SCGB2B2: variants seen among roughly 807,000 people sequenced by gnomAD.
SCGB2B2 encodes the protein secretoglobin family 2B member 2.
In SCGB2B2, 11 loss-of-function variants were observed where a neutral mutation model predicts 7.6. That is an observed-to-expected ratio of 1.45 (90% CI 0.91 to 2.40). The LOEUF is 2.40. Ranked by LOEUF, SCGB2B2 falls within the 30% of genes most tolerant of loss-of-function variation. The pLI is 0.00. For synonymous variants in SCGB2B2, 50 were observed against 48.6 expected (o/e 1.03, Z -0.12); for missense variants, 104 against 115.4 (o/e 0.90, Z 0.45).
At chr19:34,587,010 C>A (rs758460065), downstream of SCGB2B2, among the ~76,000 whole-genome samples, 10 of 152,084 alleles carry the variant, frequency 6.6e-5, no homozygotes, top group Admixed American at 6.5e-4. Flanking sequence ...CAGGTTCAAG[C>A]GATTCTCCTG....
At chr19:34,641,438 G>A (rs2066837714) in intron 1 of SCGB2B2, among the ~76,000 whole-genome samples, 1 of 152,170 alleles carries the variant, frequency 6.6e-6, no homozygotes, top group African/African-American at 2.4e-5. Flanking sequence ...CAGGGTTTTG[G>A]TCACTATGTC....
chr19:34,656,536 G>A (rs1300990390), intron 1 of SCGB2B2, among the ~76,000 whole-genome samples: 2 of 151,274 alleles, frequency 1.3e-5, no homozygotes, highest in African/African-American at 4.9e-5. Context: ...CCAGGAGGAT[G>A]AGGCTGCAGT....
intron 1 of SCGB2B2, among the ~76,000 whole-genome samples, chr19:34,599,749 C>T (rs963196333): frequency 2.6e-5 from 4 of 152,078 alleles, no homozygotes; most frequent in African/African-American, 9.7e-5. Context: ...CCGCCCTGTT[C>T]TCTCCCTCTT....
At chr19:34,667,223 C>T (rs967686949) in intron 1 of SCGB2B2, among the ~76,000 whole-genome samples, 7 of 152,122 alleles carry the variant, frequency 4.6e-5, no homozygotes, top group African/African-American at 1.7e-4. Flanking sequence ...GACCTCAGGG[C>T]GCTGGGTCTC....
At chr19:34,673,537 A>C (rs1402535750) in intron 1 of SCGB2B2, among the ~76,000 whole-genome samples, 2 of 152,218 alleles carry the variant, frequency 1.3e-5, no homozygotes, top group Non-Finnish European at 2.9e-5. Flanking sequence ...CTCAGAAAAC[A>C]AGAGGAGGAA....
chr19:34,623,258 A>G (rs778120986), intron 1 of SCGB2B2, among the ~76,000 whole-genome samples: 2 of 152,162 alleles, frequency 1.3e-5, no homozygotes, highest in African/African-American at 2.4e-5. Context: ...ATGTGAGTGA[A>G]GTTGGGACTT....
intron 1 of SCGB2B2, among the ~76,000 whole-genome samples, chr19:34,599,767 T>C (rs2065569550): frequency 6.6e-6 from 1 of 152,044 alleles, no homozygotes. Context: ...CTTCCCCCTG[T>C]TCCTCAGTCT....
At chr19:34,647,184 T>C (rs1432690005) in intron 1 of SCGB2B2, among the ~76,000 whole-genome samples, 2 of 152,206 alleles carry the variant, frequency 1.3e-5, no homozygotes, top group African/African-American at 2.4e-5. Flanking sequence ...TCTGTGGCCA[T>C]GTGACCATGA....
chr19:34,650,321 C>A (rs2067130851), intron 1 of SCGB2B2, among the ~76,000 whole-genome samples: 1 of 151,272 alleles, frequency 6.6e-6, no homozygotes, highest in African/African-American at 2.5e-5. Flanking sequence ...CCTGGTGCCC[C>A]TTGGCCAAAC....
In SCGB2B2 at chr19:34,592,740, C is replaced by G. The variant is rs770923638; in HGVS notation, c.*815G>C. Among the ~76,000 whole-genome samples, 1 of 152,170 alleles carries G rather than the reference C, an allele frequency of 6.6e-6. No individual in the cohort carries two copies. The highest frequency in any genetic ancestry group is 2.4e-5 in the African/African-American group (1 of 41,438). Reference sequence around the variant, plus strand: ...CACTCGTTCCCTGTGACCTCAATGTCAATGTCCCCTGTCATGGTGACATGG... The same window carrying G: ...CACTCGTTCCCTGTGACCTCAATGTGAATGTCCCCTGTCATGGTGACATGG... On this transcript the variant is annotated 3_prime_UTR_variant, in exon 4 of 4. Transcript: ENST00000601241.
At chr19:34,661,141 T>G (rs1600069214) in intron 1 of SCGB2B2, among the ~76,000 whole-genome samples, 3 of 146,688 alleles carry the variant, frequency 2.0e-5, no homozygotes, top group African/African-American at 5.0e-5. Flanking sequence ...GGGGCTGGGG[T>G]AGGGATACCA....
chr19:34,588,270 G>C (rs894788387), downstream of SCGB2B2, among the ~76,000 whole-genome samples: 1 of 152,138 alleles, frequency 6.6e-6, no homozygotes, highest in East Asian at 1.9e-4. Flanking sequence ...TATTTTTCCA[G>C]GAATTTATAC....
chr19:34,594,935 G>A lies in SCGB2B2; in HGVS notation c.-372C>T. On this transcript the variant is annotated 5_prime_UTR_variant, in exon 2 of 4. An upstream open reading frame in the 5' UTR gains an earlier in-frame stop. Coordinates refer to ENST00000601241, the MANE Select transcript of SCGB2B2 (RefSeq NM_001025591.4). ...CCTGTGTCTTGGCAAACGTGTGTCT[G>A]CACTTGGCACGCCCTAGCACAGAAT... 1 of 294,680 alleles carries A rather than the reference G, an allele frequency of 3.4e-6. No individual in the cohort carries two copies. Among genetic ancestry groups the A allele is most frequent in the Non-Finnish European group, 6.6e-6 (1 of 151,410 alleles). The allele number at this position is 294,680 out of a possible 1,614,324, so 18.3% of individuals were successfully genotyped here.
chr19:34,657,242 T>G (rs561450943), intron 1 of SCGB2B2, among the ~76,000 whole-genome samples: 15 of 151,244 alleles, frequency 9.9e-5, no homozygotes, highest in Admixed American at 9.2e-4. Flanking sequence ...GAAATACATA[T>G]GTATTACCAA....
intron 1 of SCGB2B2, among the ~76,000 whole-genome samples, chr19:34,648,227 G>A (rs2067073399): frequency 1.3e-5 from 2 of 152,172 alleles, no homozygotes; most frequent in African/African-American, 2.4e-5. Context: ...CAGGCCTGGA[G>A]ACAAAAATAT....
intron 1 of SCGB2B2, among the ~76,000 whole-genome samples, chr19:34,666,586 C>T (rs979794993): frequency 6.6e-6 from 1 of 152,172 alleles, no homozygotes; most frequent in African/African-American, 2.4e-5. Flanking sequence ...CACCTCTCCC[C>T]GACTCTCCAG....
At chr19:34,657,160 A>G (rs2067305316) in intron 1 of SCGB2B2, among the ~76,000 whole-genome samples, 1 of 151,408 alleles carries the variant, frequency 6.6e-6, no homozygotes, top group African/African-American at 2.5e-5. Flanking sequence ...AGAGAATGCA[A>G]TATTTACAGT....
In SCGB2B2 at chr19:34,595,203, C is replaced by T. The variant is rs947573839; in HGVS notation, c.-640G>A. On this transcript the variant is annotated 5_prime_UTR_variant, in exon 2 of 4. Coordinates refer to ENST00000601241, the MANE Select transcript of SCGB2B2 (RefSeq NM_001025591.4). The stretch of plus-strand genomic sequence containing the variant: ...GCCTCAACACTACCCGTAGGGTACC[C>T]GAAGTCTGGTGGTGACAAAGGATTG... 5 of 152,378 alleles carry T rather than the reference C, an allele frequency of 3.3e-5. No homozygotes were observed. Among genetic ancestry groups the T allele is most frequent in the Admixed American group, 6.6e-5 (1 of 15,266 alleles). The allele number at this position is 152,378 out of a possible 1,614,324, so 9.4% of individuals were successfully genotyped here.
At chr19:34,589,948 G>C (rs2145715864), downstream of SCGB2B2, among the ~76,000 whole-genome samples, 1 of 152,282 alleles carries the variant, frequency 6.6e-6, no homozygotes. Context: ...GTTGGTCCTA[G>C]AGGAAGGAGG....
Sources: gnomAD v4.1 joint callset for allele counts (sites outside exome capture counted in the v4.1 genomes callset) on GRCh38, gnomAD v4.1.1 for gene constraint, MANE v1.5 for transcripts, NCBI Gene and HGNC (gene_info 2026-07-23, HGNC 2026-07-21) for gene names.